PTPRK: variants seen among roughly 807,000 people sequenced by gnomAD.
PTPRK encodes protein tyrosine phosphatase receptor type K, also known as receptor-type tyrosine-protein phosphatase kappa.
Under a neutral mutation model 178.0 loss-of-function variants are expected in PTPRK, and 75 were observed. The observed-to-expected ratio is 0.42, with a 90% CI of 0.35 to 0.51. The LOEUF is 0.51. PTPRK is among the 20% of genes least tolerant of loss of function. PTPRK has a pLI of 0.02. For missense variants in PTPRK, 1,441 were observed against 1,797.8 expected (o/e 0.80, Z 3.59); for synonymous variants, 637 against 620.6 (o/e 1.03, Z -0.39).
At chr6:128,036,392 G>C (rs1193675100) in intron 13 of PTPRK, among the ~76,000 whole-genome samples, 3 of 152,102 alleles carry the variant, frequency 2.0e-5, no homozygotes, top group African/African-American at 7.2e-5. Context: ...TTGTAGGTAA[G>C]AAATGATAAC....
chr6:128,502,189 C>T (rs1036607636), intron 1 of PTPRK, among the ~76,000 whole-genome samples: 3 of 152,104 alleles, frequency 2.0e-5, no homozygotes, highest in African/African-American at 7.2e-5. Context: ...AAAAGTTTAC[C>T]TTTTATATAG....
intron 1 of PTPRK, among the ~76,000 whole-genome samples, chr6:128,408,687 T>A (rs552648334): frequency 2.4e-4 from 37 of 152,266 alleles, no homozygotes; most frequent in African/African-American, 8.7e-4. Context: ...TAGTCCTGAG[T>A]CCTACAAATA....
At chr6:128,153,904 A>G (rs4897248) in intron 7 of PTPRK, among the ~76,000 whole-genome samples, 3,319 of 151,950 alleles carry the variant, frequency 0.022, 99 homozygotes, top group African/African-American at 0.046. Flanking sequence ...GGTATAGTTC[A>G]GACCTCCATT....
At chr6:128,329,382 A>AACACACACACAC (rs149088868) in intron 2 of PTPRK, among the ~76,000 whole-genome samples, 64 of 145,726 alleles carry the variant, frequency 4.4e-4, no homozygotes, top group African/African-American at 1.6e-3. Flanking sequence ...TATATAGATA[A>AACACACACACAC]ACACACACAC....
chr6:128,491,521 C>T lies in PTPRK; in HGVS notation c.100+28738G>A, dbSNP rs560271321. Among the ~76,000 whole-genome samples, 5 of 152,288 alleles carry T rather than the reference C, an allele frequency of 3.3e-5. No homozygotes were observed. In the South Asian group the frequency reaches 1.0e-3, roughly 32 times the overall value. ...GAAGCAGACAAAAGCAGCCTGGCTC[C>T]GGTGTATCCACACTTGGCAGCTGTA... On this transcript the variant is annotated intron_variant, in intron 1 of 29. Coordinates refer to ENST00000368226, the MANE Select transcript of PTPRK (RefSeq NM_002844.4).
At chr6:128,409,718 A>C (rs1410266786) in intron 1 of PTPRK, among the ~76,000 whole-genome samples, 1 of 152,140 alleles carries the variant, frequency 6.6e-6, no homozygotes, top group Non-Finnish European at 1.5e-5. Flanking sequence ...GAGGTAATTG[A>C]ATCATGGAGG....
At chr6:128,267,033 T>C (rs1318345811) in intron 3 of PTPRK, among the ~76,000 whole-genome samples, 3 of 152,252 alleles carry the variant, frequency 2.0e-5, no homozygotes, top group African/African-American at 7.2e-5. Flanking sequence ...TCTTATGAAA[T>C]CACATAGCTA....
chr6:128,210,756 G>A (rs1314110078), intron 6 of PTPRK, among the ~76,000 whole-genome samples: 1 of 152,092 alleles, frequency 6.6e-6, no homozygotes, highest in African/African-American at 2.4e-5. Flanking sequence ...ATGGCAACAT[G>A]AGAGTAGCCA....
At chr6:128,349,445 CCTTAT>C (rs1278303831) in intron 2 of PTPRK, among the ~76,000 whole-genome samples, 1 of 151,794 alleles carries the variant, frequency 6.6e-6, no homozygotes, top group Non-Finnish European at 1.5e-5. Context: ...ATGATCTCTG[CCTTAT>C]CTTCTCTTTT....
At chr6:127,974,437 C>T (rs886504141) in intron 27 of PTPRK, among the ~76,000 whole-genome samples, 1 of 152,110 alleles carries the variant, frequency 6.6e-6, no homozygotes, top group African/African-American at 2.4e-5. Context: ...GTACCCTTTG[C>T]CTTGAATACT....
chr6:128,355,660 G>A lies in PTPRK; in HGVS notation c.224-33350C>T, dbSNP rs963072627. Among the ~76,000 whole-genome samples, 3 of 152,138 alleles carry A rather than the reference G, an allele frequency of 2.0e-5. 1 individual carries two copies. Among genetic ancestry groups the A allele is most frequent in the South Asian group, 4.1e-4 (2 of 4,828 alleles). ...GGGGCCTGTTGTGGGGTGGGAGGAC[G>A]GCGGAGGGATAGCTTTAGGAGATAT... On this transcript the variant is annotated intron_variant, in intron 2 of 29. Coordinates refer to ENST00000368226, the MANE Select transcript of PTPRK (RefSeq NM_002844.4).
chr6:128,067,605 G>A lies in PTPRK; in HGVS notation c.2071C>T (p.Arg691Trp), dbSNP rs771642405. Residue 691 changes from arginine (R) to tryptophan (W), a missense_variant, in exon 12 of 30, where the codon CGG (arginine) becomes TGG (tryptophan). Coordinates refer to ENST00000368226, the MANE Select transcript of PTPRK (RefSeq NM_002844.4). Reference protein sequence around the residue: ...EPAPFTVGDNRTYQGFWNPPL... With the variant: ...EPAPFTVGDNWTYQGFWNPPL... ...GGGTTCCAAAAGCCTTGGTAGGTCC[G>A]ATTGTCACCCACAGTGAACGGGGCA... is the stretch of plus-strand genomic sequence containing the variant. 4.3e-6 allele frequency: 7 copies of A among 1,613,230 alleles called. No individual in the cohort carries two copies. Among genetic ancestry groups the A allele is most frequent in the Admixed American group, 1.7e-5 (1 of 59,978 alleles).
intron 21 of PTPRK, among the ~76,000 whole-genome samples, chr6:127,986,704 T>A (rs1002696503): frequency 1.3e-5 from 2 of 152,176 alleles, no homozygotes; most frequent in East Asian, 1.9e-4. Flanking sequence ...CTATAATCTA[T>A]ATAATTCAAA....
chr6:128,307,628 T>C (rs188966956), intron 3 of PTPRK, among the ~76,000 whole-genome samples: 24 of 151,936 alleles, frequency 1.6e-4, no homozygotes, highest in Admixed American at 9.8e-4. Context: ...AAGAAACAGA[T>C]AAACCAATAG....
intron 7 of PTPRK, among the ~76,000 whole-genome samples, chr6:128,157,972 T>A (rs1445748206): frequency 1.3e-5 from 2 of 152,068 alleles, no homozygotes; most frequent in Non-Finnish European, 2.9e-5. Context: ...TGGCTTTTGT[T>A]GCCATTGCTT....
In PTPRK at chr6:128,349,195, T is replaced by C. The variant is rs572062752; in HGVS notation, c.224-26885A>G. On this transcript the variant is annotated intron_variant, in intron 2 of 29. Transcript: ENST00000368226. ...ACCTAGAGCAATGGAAAATAAACTATAGCAAACCTAAAATCATGGAGTGTT... is the reference window on the plus strand; with the variant it reads ...ACCTAGAGCAATGGAAAATAAACTACAGCAAACCTAAAATCATGGAGTGTT... 3.3e-5 allele frequency among the ~76,000 whole-genome samples: 5 copies of C among 152,210 alleles called. No individual in the cohort carries two copies. The South Asian group carries it at 6.2e-4, about 19-fold the overall frequency.
rs757706542 is a variant in PTPRK at position 128,241,341 on chromosome 6, A to G, written c.577+1180T>C. 10 of 531,518 alleles carry G rather than the reference A, an allele frequency of 1.9e-5. No homozygotes were observed. In the African/African-American group the frequency reaches 1.9e-4, roughly 10 times the overall value. The allele number at this position is 531,518 out of a possible 1,614,324, so 32.9% of individuals were successfully genotyped here. A position where few individuals can be genotyped will look rare whatever the true frequency, so the allele number is the denominator to read the frequency against. On this transcript the variant is annotated intron_variant, in intron 4 of 29. Transcript: ENST00000368226. ...AGCTGCACTGGAATCAGAAATGCAA[A>G]TTGTCAGGCCCCACCCCAGACCTAT...
intron 7 of PTPRK, among the ~76,000 whole-genome samples, chr6:128,183,494 T>A (rs866155264): frequency 6.6e-6 from 1 of 152,162 alleles, no homozygotes; most frequent in Non-Finnish European, 1.5e-5. Flanking sequence ...GTAAACATCT[T>A]TCAGCAGGAG....
In PTPRK at chr6:127,998,800, C is replaced by T; in HGVS notation, c.2599G>A (p.Ala867Thr). Residue 867 changes from alanine (A) to threonine (T), a missense_variant, in exon 16 of 30, where the codon GCC (alanine) becomes ACC (threonine). Physicochemically the swap from Ala to Thr is moderately conservative, Grantham distance 58. Coordinates refer to ENST00000368226, the MANE Select transcript of PTPRK (RefSeq NM_002844.4). Reference sequence around the variant, plus strand: ...TGCAGTAAATCAGCTACCCTGATGGCTGGATGCAGCTGTCCTGTCTGGTAA... The same window carrying T: ...TGCAGTAAATCAGCTACCCTGATGGTTGGATGCAGCTGTCCTGTCTGGTAA... ...SPYQTGQLHPAIRVADLLQHI... is the reference protein window; with the variant it reads ...SPYQTGQLHPTIRVADLLQHI... 6.2e-7 allele frequency: 1 copy of T among 1,610,748 alleles called. No individual in the cohort carries two copies. The highest frequency in any genetic ancestry group is 8.5e-7 in the Non-Finnish European group (1 of 1,178,008).
Sources: allele counts gnomAD v4.1 joint callset (sites outside exome capture counted in the v4.1 genomes callset), GRCh38; gene constraint gnomAD v4.1.1; transcripts MANE v1.5; gene names NCBI Gene and HGNC (gene_info 2026-07-23, HGNC 2026-07-21).